The following CD302 variants were observed in gnomAD, a reference collection of about 807,000 sequenced individuals.
The protein encoded by CD302 is CD302 antigen.
A neutral mutation model predicts 26.5 loss-of-function variants in CD302; 23 were observed. That is an observed-to-expected ratio of 0.87 (90% CI 0.62 to 1.23). The LOEUF is 1.23. CD302 is among the 50% of genes most tolerant of loss of function. CD302 has a pLI of 0.00. For synonymous variants in CD302, 90 were observed against 99.4 expected, an observed-to-expected ratio of 0.91 and a Z score of 0.56; for missense variants, 290 against 275.5, an observed-to-expected ratio of 1.05 and a Z score of -0.37.
chr2:159,782,527 G>A (rs962388874), intron 2 of CD302, among the ~76,000 whole-genome samples: 1 of 151,244 alleles, frequency 6.6e-6, no homozygotes, highest in Non-Finnish European at 1.5e-5. Flanking sequence ...GAGGCCAAGA[G>A]TTTCAGACCA....
chr2:159,775,476 A>G (rs1232936284), intron 5 of CD302, among the ~76,000 whole-genome samples: 1 of 152,190 alleles, frequency 6.6e-6, no homozygotes, highest in African/African-American at 2.4e-5. Context: ...CTTAAAAGTC[A>G]TAGTTCTAGA....
At chr2:159,788,727 T>C (rs1406574035) in intron 1 of CD302, among the ~76,000 whole-genome samples, 2 of 152,232 alleles carry the variant, frequency 1.3e-5, no homozygotes, top group Admixed American at 6.5e-5. Flanking sequence ...GCTGTTGTTT[T>C]AGTGTTTTTA....
chr2:159,796,504 C>T (rs1045435740), intron 1 of CD302, among the ~76,000 whole-genome samples: 1 of 152,146 alleles, frequency 6.6e-6, no homozygotes, highest in Non-Finnish European at 1.5e-5. Flanking sequence ...CTCCCAATAG[C>T]CCCATGAGTA....
At chr2:159,789,270 G>A (rs988178766) in intron 1 of CD302, among the ~76,000 whole-genome samples, 1 of 151,924 alleles carries the variant, frequency 6.6e-6, no homozygotes, top group African/African-American at 2.4e-5. Context: ...CCAAAGTGCT[G>A]GGATTACAGG....
intron 5 of CD302, among the ~76,000 whole-genome samples, chr2:159,775,920 T>G (rs2125794187): frequency 6.6e-6 from 1 of 151,690 alleles, no homozygotes; most frequent in Non-Finnish European, 1.5e-5. Flanking sequence ...TTTGTTTTGT[T>G]TTGTTTTAGA....
chr2:159,782,330 G>A (rs1014178315), intron 2 of CD302, among the ~76,000 whole-genome samples: 4 of 148,438 alleles, frequency 2.7e-5, no homozygotes, highest in Non-Finnish European at 4.4e-5. Flanking sequence ...GGAGAATGGC[G>A]TGAACCCGGG....
chr2:159,775,411 A>G (rs995207858), intron 5 of CD302, among the ~76,000 whole-genome samples: 2 of 152,178 alleles, frequency 1.3e-5, no homozygotes, highest in African/African-American at 4.8e-5. Flanking sequence ...ATTTTTTTCT[A>G]AATGTTCCAA....
chr2:159,792,789 T>C (rs1708843219), intron 1 of CD302, among the ~76,000 whole-genome samples: 1 of 151,848 alleles, frequency 6.6e-6, no homozygotes, highest in Non-Finnish European at 1.5e-5. Flanking sequence ...AACAGACTGT[T>C]GACTCACTTC....
chr2:159,772,864 T>C (rs982136904), intron 5 of CD302, among the ~76,000 whole-genome samples: 1 of 152,100 alleles, frequency 6.6e-6, no homozygotes, highest in African/African-American at 2.4e-5. Context: ...TTTGTTAAAG[T>C]GAGGGAGAGC....
At chr2:159,785,283 A>G (rs1708637656) in intron 1 of CD302, among the ~76,000 whole-genome samples, 1 of 151,868 alleles carries the variant, frequency 6.6e-6, no homozygotes, top group African/African-American at 2.4e-5. Flanking sequence ...CCTATAATTT[A>G]TTTTATATCC....
intron 5 of CD302, among the ~76,000 whole-genome samples, chr2:159,776,135 G>C (rs1708316350): frequency 6.6e-6 from 1 of 151,420 alleles, no homozygotes; most frequent in Non-Finnish European, 1.5e-5. Flanking sequence ...TTACAGGCGT[G>C]AGCCACTGCG....
intron 1 of CD302, among the ~76,000 whole-genome samples, chr2:159,785,820 T>C (rs1218800162): frequency 6.6e-6 from 1 of 152,216 alleles, no homozygotes; most frequent in Admixed American, 6.5e-5. Flanking sequence ...CTAGAATTGA[T>C]TGTGACTGTT....
At chr2:159,777,704 CAG>C (rs1708377999) in intron 5 of CD302, among the ~76,000 whole-genome samples, 2 of 152,238 alleles carry the variant, frequency 1.3e-5, no homozygotes, top group South Asian at 4.1e-4. Context: ...GTGCACAACA[CAG>C]ATGAATCTAA....
chr2:159,785,402 G>C (rs1276484234), intron 1 of CD302, among the ~76,000 whole-genome samples: 3 of 152,152 alleles, frequency 2.0e-5, no homozygotes, highest in African/African-American at 7.2e-5. Context: ...CTGGCTTAAA[G>C]ATACGGTTGT....
At chr2:159,796,928 G>T (rs1682441440) in intron 1 of CD302, among the ~76,000 whole-genome samples, 1 of 152,220 alleles carries the variant, frequency 6.6e-6, no homozygotes, top group Non-Finnish European at 1.5e-5. Flanking sequence ...CAAAATGAGG[G>T]TGTGCAGAAG....
chr2:159,785,512 G>C (rs1459337635), intron 1 of CD302, among the ~76,000 whole-genome samples: 2 of 152,188 alleles, frequency 1.3e-5, no homozygotes, highest in Non-Finnish European at 2.9e-5. Context: ...AAGCAAAGAA[G>C]TCCAGAACAG....
Position 159,770,124 on chromosome 2 carries a change from A to G in CD302, c.*1727T>C. On this transcript the variant is annotated 3_prime_UTR_variant, in exon 6 of 6. Transcript: ENST00000259053. ...ACTCTTTTAGTTCACATAATACGCC[A>G]TATTTTTTTTACTGTGCCTGTAGTT... 8.7e-6 allele frequency: 1 copy of G among 115,570 alleles called. No individual in the cohort carries two copies. The highest frequency in any genetic ancestry group is 1.7e-5 in the Non-Finnish European group (1 of 57,898). The allele number at this position is 115,570 out of a possible 1,614,324, so 7.2% of individuals were successfully genotyped here.
At chr2:159,797,235 T>C (rs1172285099) in intron 1 of CD302, among the ~76,000 whole-genome samples, 1 of 142,272 alleles carries the variant, frequency 7.0e-6, no homozygotes, top group African/African-American at 2.6e-5. Context: ...GGGGGGGGAA[T>C]CTCTTGCATT....
At chr2:159,785,077 TG>T (rs1708631336) in intron 1 of CD302, among the ~76,000 whole-genome samples, 1 of 149,916 alleles carries the variant, frequency 6.7e-6, no homozygotes, top group Admixed American at 6.7e-5. Flanking sequence ...CAGGCTCAAG[TG>T]ATTCTTGTGC....
Sources: gnomAD v4.1 joint callset for allele counts (sites outside exome capture counted in the v4.1 genomes callset) on GRCh38, gnomAD v4.1.1 for gene constraint, MANE v1.5 for transcripts, NCBI Gene and HGNC (gene_info 2026-07-23, HGNC 2026-07-21) for gene names.